OR1G1: variants seen among roughly 807,000 people sequenced by gnomAD.
OR1G1 encodes olfactory receptor 1G1.
For missense variants in OR1G1, 347 were observed against 375.5 expected, an observed-to-expected ratio of 0.92 and a Z score of 0.63; for synonymous variants, 145 against 149.6, an observed-to-expected ratio of 0.97 and a Z score of 0.22.
rs766110143 is a variant in OR1G1, at chr17:3,127,329, A to G, written c.223T>C (p.Ser75Pro). Residue 75 changes from serine (S) to proline (P), a missense_variant, in exon 1 of 1, where the codon TCC becomes CCC. Ser to Pro is a moderately conservative substitution (Grantham distance 74). Transcript: ENST00000328890. ...NLSLADACFV[S>P]TTVPKMLANI... ...GCCAGCATCTTAGGGACTGTGGTGG[A>G]CACAAAGCAGGCATCTGCAAGGGAG... is the stretch of plus-strand genomic sequence containing the variant. The G allele has an allele frequency of 1.2e-6, 2 of 1,614,080 alleles. No individual in the cohort carries two copies. Among genetic ancestry groups the G allele is most frequent in the African/African-American group, 1.3e-5 (1 of 74,912 alleles).
chr17:3,127,536 G>C lies in OR1G1; in HGVS notation c.16C>G (p.Leu6Val). MEGKN[L>V]TSISECFLLG... is the part of the protein sequence containing the mutation. ...AGGAAACATTCTGAGATGCTGGTCA[G>C]ATTTTTCCCCTCCATTTGTCTGTAG... The change falls in exon 1 of 1, where the codon CTG becomes GTG. Residue 6 changes from leucine to valine, a missense_variant. Transcript: ENST00000328890. 6.2e-7 allele frequency: 1 copy of C among 1,612,844 alleles called. No homozygotes were observed. The highest frequency in any genetic ancestry group is 8.5e-7 in the Non-Finnish European group (1 of 1,179,396).
rs757356100 is a variant in OR1G1 at position 3,126,939 on chromosome 17, G to C, written c.613C>G (p.Leu205Val). The change falls in exon 1 of 1, where the codon CTC (leucine) becomes GTC (valine). Residue 205 changes from leucine to valine, a missense_variant. Coordinates refer to ENST00000328890, the MANE Select transcript of OR1G1 (RefSeq NM_003555.1). ...CAAAGCACACAAATGAGTCCTGTGA[G>C]ACCCCCAGTGATGAAGATCACCAGC... ...NELVIFITGG[L>V]TGLICVLCLI... 3 of 1,614,050 alleles carry C rather than the reference G, an allele frequency of 1.9e-6. No homozygotes were observed. In the African/African-American group the frequency reaches 4.0e-5, roughly 22 times the overall value.
Position 3,126,942 on chromosome 17 carries a change from C to A in OR1G1, c.610G>T (p.Gly204Cys), listed in dbSNP as rs750954362. ...TNELVIFITGGLTGLICVLCL... is the reference protein window; with the variant it reads ...TNELVIFITGCLTGLICVLCL... ...AGCACACAAATGAGTCCTGTGAGAC[C>A]CCCAGTGATGAAGATCACCAGCTCA... The change falls in exon 1 of 1, where the codon GGT becomes TGT. Residue 204 changes from glycine (G) to cysteine (C), a missense_variant. Gly to Cys is a radical substitution (Grantham distance 159, BLOSUM62 -3). Coordinates refer to ENST00000328890, the MANE Select transcript of OR1G1 (RefSeq NM_003555.1). The A allele has an allele frequency of 1.9e-6, 3 of 1,613,990 alleles. No individual in the cohort carries two copies. The African/African-American group carries it at 4.0e-5, about 22-fold the overall frequency.
Position 3,127,325 on chromosome 17 carries a change from G to A in OR1G1, c.227C>T (p.Thr76Ile), listed in dbSNP as rs762737606. The change falls in exon 1 of 1, where the codon ACC (threonine) becomes ATC (isoleucine). Residue 76 changes from threonine to isoleucine, a missense_variant. Thr to Ile is a moderately conservative substitution (Grantham distance 89). Transcript: ENST00000328890. The part of the protein sequence containing the change: ...LSLADACFVS[T>I]TVPKMLANIQ... ...GTTTGCCAGCATCTTAGGGACTGTG[G>A]TGGACACAAAGCAGGCATCTGCAAG... 4 of 1,614,208 alleles carry A rather than the reference G, an allele frequency of 2.5e-6. No individual in the cohort carries two copies. The highest frequency in any genetic ancestry group is 1.6e-4 in the Middle Eastern group (1 of 6,062).
chr17:3,126,935 G>A lies in OR1G1; in HGVS notation c.617C>T (p.Thr206Ile). 6.2e-7 allele frequency: 1 copy of A among 1,614,180 alleles called. No individual in the cohort carries two copies. The highest frequency in any genetic ancestry group is 8.5e-7 in the Non-Finnish European group (1 of 1,180,036). Residue 206 changes from threonine to isoleucine, a missense_variant, in exon 1 of 1, where the codon ACA (threonine) becomes ATA (isoleucine). By Grantham distance (89) the Thr-to-Ile change is moderately conservative (BLOSUM62 -1). Coordinates refer to ENST00000328890, the MANE Select transcript of OR1G1 (RefSeq NM_003555.1). ...ELVIFITGGLTGLICVLCLII... is the reference protein window; with the variant it reads ...ELVIFITGGLIGLICVLCLII... Reference sequence around the variant, plus strand: ...CAGGCAAAGCACACAAATGAGTCCTGTGAGACCCCCAGTGATGAAGATCAC... The same window carrying A: ...CAGGCAAAGCACACAAATGAGTCCTATGAGACCCCCAGTGATGAAGATCAC...
In OR1G1 at chr17:3,127,002, G is replaced by A. The variant is rs773676461; in HGVS notation, c.550C>T (p.Leu184Phe). 1.9e-6 allele frequency: 3 copies of A among 1,614,180 alleles called. No homozygotes were observed. The highest frequency in any genetic ancestry group is 1.7e-6 in the Non-Finnish European group (2 of 1,180,034). The change falls in exon 1 of 1, where the codon CTC becomes TTC. Residue 184 changes from leucine (L) to phenylalanine (F), a missense_variant. By Grantham distance (22) the Leu-to-Phe change is conservative. Coordinates refer to ENST00000328890, the MANE Select transcript of OR1G1 (RefSeq NM_003555.1). The stretch of plus-strand genomic sequence containing the variant: ...GGGTCTGTGCAGGACAGACTCAGGA[G>A]GGGATTGATGTCACAGAAGAAGTGT... ...IPHFFCDINP[L>F]LSLSCTDPFT...
rs141468951 is a variant in OR1G1, at chr17:3,127,208, A to C, written c.344T>G (p.Leu115Trp). The C allele has an allele frequency of 3.7e-6, 6 of 1,614,150 alleles. No homozygotes were observed. In the African/African-American group the frequency reaches 8.0e-5, roughly 22 times the overall value. The part of the protein sequence containing the change: ...MLFVMLEAFL[L>W]AVMAYDCYVA... ...GTAGCAGTCATAGGCCATGACCGCC[A>C]AGAGGAATGCCTCCAGCATCACAAA... Residue 115 changes from leucine (L) to tryptophan (W), a missense_variant, in exon 1 of 1, where the codon TTG becomes TGG. Leu to Trp is a moderately conservative substitution (Grantham distance 61, BLOSUM62 -2). Transcript: ENST00000328890.
Position 3,126,824 on chromosome 17 carries a change from G to A in OR1G1, c.728C>T (p.Ser243Phe). 1 of 1,614,128 alleles carries A rather than the reference G, an allele frequency of 6.2e-7. No homozygotes were observed. ...GAAGAGAGAGACCACGGAGAGATGAGAGCTGCAGGTGGAAAAGGCTTTCCG... is the reference window on the plus strand; with the variant it reads ...GAAGAGAGAGACCACGGAGAGATGAAAGCTGCAGGTGGAAAAGGCTTTCCG... ...GKRKAFSTCS[S>F]HLSVVSLFFG... Residue 243 changes from serine (S) to phenylalanine (F), a missense_variant, in exon 1 of 1, where the codon TCT becomes TTT. Transcript: ENST00000328890.
chr17:3,127,420 G>A lies in OR1G1; in HGVS notation c.132C>T (p.Leu44=), dbSNP rs752208029. Residue 44 remains leucine, a synonymous_variant, in exon 1 of 1, where the codon CTC becomes CTT. Transcript: ENST00000328890. ...TGTCAGTAATGATGACTAGAATGAT[G>A]AGGAGGTTGCCTGCCACCGTGACCA... is the stretch of plus-strand genomic sequence containing the variant. ...MYLVTVAGNL[L]IILVIITDTQ... is the part of the protein sequence containing the mutation. The A allele has an allele frequency of 6.2e-7, 1 of 1,614,100 alleles. No individual in the cohort carries two copies.
In OR1G1 at chr17:3,126,971, GT is replaced by G; in HGVS notation, c.580del (p.Thr194ProfsTer5). Reference protein sequence around the residue: ...LLSLSCTDPFTNELVIFITGG... With the variant: ...LLSLSCTDPFXNELVIFITGG... ...AGTGATGAAGATCACCAGCTCATTG[GT>G]GAAGGGGTCTGTGCAGGACAGACTC... On this transcript the variant is annotated frameshift_variant, in exon 1 of 1. Transcript: ENST00000328890. LOFTEE classifies it low-confidence loss of function (END_TRUNC). The G allele has an allele frequency of 6.2e-7, 1 of 1,614,208 alleles. No individual in the cohort carries two copies. The highest frequency in any genetic ancestry group is 8.5e-7 in the Non-Finnish European group (1 of 1,180,026).
chr17:3,127,382 G>T lies in OR1G1; in HGVS notation c.170C>A (p.Thr57Asn), dbSNP rs61736114. 8 of 1,614,056 alleles carry T rather than the reference G, an allele frequency of 5.0e-6. No individual in the cohort carries two copies. The highest frequency in any genetic ancestry group is 1.3e-5 in the African/African-American group (1 of 74,908). Residue 57 changes from threonine (T) to asparagine (N), a missense_variant, in exon 1 of 1, where the codon ACC becomes AAC. Thr to Asn is a moderately conservative substitution (Grantham distance 65, BLOSUM62 0). Coordinates refer to ENST00000328890, the MANE Select transcript of OR1G1 (RefSeq NM_003555.1). ...LVIITDTQLHTPMYFFLANLS... is the reference protein window; with the variant it reads ...LVIITDTQLHNPMYFFLANLS... ...GTTGGCTAGAAAGAAGTACATGGGG[G>T]TATGGAGTTGAGTGTCAGTAATGAT... is the stretch of plus-strand genomic sequence containing the variant.
At position 3,127,545 on chromosome 17, in the gene OR1G1, C is replaced by G. The variant is rs1343645125; in HGVS notation, c.7G>C (p.Gly3Arg). 1 of 1,611,992 alleles carries G rather than the reference C, an allele frequency of 6.2e-7. No homozygotes were observed. Among genetic ancestry groups the G allele is most frequent in the Admixed American group, 1.7e-5 (1 of 59,644 alleles). The change falls in exon 1 of 1, where the codon GGG (glycine) becomes CGG (arginine). Residue 3 changes from glycine to arginine, a missense_variant. By Grantham distance (125) the Gly-to-Arg change is moderately radical. Transcript: ENST00000328890. ...TCTGAGATGCTGGTCAGATTTTTCC[C>G]CTCCATTTGTCTGTAGGAAGAAAGT... Reference protein sequence around the residue: MEGKNLTSISECF... With the variant: MERKNLTSISECF...
Position 3,127,327 on chromosome 17 carries a change from G to A in OR1G1, c.225C>T (p.Ser75=). ...NLSLADACFV[S]TTVPKMLANI... is the part of the protein sequence containing the mutation. ...TTGCCAGCATCTTAGGGACTGTGGT[G>A]GACACAAAGCAGGCATCTGCAAGGG... The change falls in exon 1 of 1, where the codon TCC becomes TCT. Residue 75 remains serine, a synonymous_variant. Transcript: ENST00000328890. 6.2e-7 allele frequency: 1 copy of A among 1,614,172 alleles called. No individual in the cohort carries two copies. Among genetic ancestry groups the A allele is most frequent in the African/African-American group, 1.3e-5 (1 of 75,036 alleles).
In OR1G1 at chr17:3,126,683, T is replaced by C. The variant is rs2047998388; in HGVS notation, c.869A>G (p.Tyr290Cys). Residue 290 changes from tyrosine (Y) to cysteine (C), a missense_variant, in exon 1 of 1, where the codon TAC becomes TGC. By Grantham distance (194) the Tyr-to-Cys change is radical (BLOSUM62 -2). Transcript: ENST00000328890. ...VVTPMLNPFI[Y>C]SLRNQEIKSS... is the part of the protein sequence containing the mutation. ...CTTTATTTCTTGGTTCCTCAAACTG[T>C]AGATAAAGGGATTCAACATTGGAGT... is the stretch of plus-strand genomic sequence containing the variant. 6.2e-7 allele frequency: 1 copy of C among 1,607,744 alleles called. No individual in the cohort carries two copies. The highest frequency in any genetic ancestry group is 1.7e-5 in the Admixed American group (1 of 58,280).
rs754030278 is a variant in OR1G1 at position 3,126,938 on chromosome 17, A to G, written c.614T>C (p.Leu205Pro). Residue 205 changes from leucine (L) to proline (P), a missense_variant, in exon 1 of 1, where the codon CTC becomes CCC. Coordinates refer to ENST00000328890, the MANE Select transcript of OR1G1 (RefSeq NM_003555.1). ...GCAAAGCACACAAATGAGTCCTGTG[A>G]GACCCCCAGTGATGAAGATCACCAG... is the stretch of plus-strand genomic sequence containing the variant. The part of the protein sequence containing the change: ...NELVIFITGG[L>P]TGLICVLCLI... The G allele has an allele frequency of 6.2e-7, 1 of 1,614,190 alleles. No individual in the cohort carries two copies. The highest frequency in any genetic ancestry group is 8.5e-7 in the Non-Finnish European group (1 of 1,180,026).
chr17:3,127,323 T>G lies in OR1G1; in HGVS notation c.229A>C (p.Thr77Pro), dbSNP rs764390259. ...ATGTTTGCCAGCATCTTAGGGACTG[T>G]GGTGGACACAAAGCAGGCATCTGCA... Reference protein sequence around the residue: ...SLADACFVSTTVPKMLANIQI... With the variant: ...SLADACFVSTPVPKMLANIQI... The change falls in exon 1 of 1, where the codon ACA becomes CCA. Residue 77 changes from threonine to proline, a missense_variant. Transcript: ENST00000328890. The G allele has an allele frequency of 3.7e-6, 6 of 1,614,148 alleles. No homozygotes were observed. The highest frequency in any genetic ancestry group is 4.2e-6 in the Non-Finnish European group (5 of 1,180,026).
chr17:3,126,634 C>A lies in OR1G1; in HGVS notation c.918G>T (p.Trp306Cys), dbSNP rs773837644. Reference protein sequence around the residue: ...EIKSSLRKLIWVRKIHSP With the variant: ...EIKSSLRKLICVRKIHSP The stretch of plus-strand genomic sequence containing the variant: ...ACTAAGGGGAATGAATTTTCCGAAC[C>A]CAGATTAACTTTCTCAGGGAAGACT... Residue 306 changes from tryptophan (W) to cysteine (C), a missense_variant, in exon 1 of 1, where the codon TGG becomes TGT. Trp to Cys is a radical substitution (Grantham distance 215). Coordinates refer to ENST00000328890, the MANE Select transcript of OR1G1 (RefSeq NM_003555.1). The A allele has an allele frequency of 6.3e-7, 1 of 1,586,134 alleles. No individual in the cohort carries two copies. Among genetic ancestry groups the A allele is most frequent in the Non-Finnish European group, 8.6e-7 (1 of 1,168,370 alleles).
chr17:3,127,021 G>A lies in OR1G1; in HGVS notation c.531C>T (p.Phe177=). 1.2e-6 allele frequency: 2 copies of A among 1,614,198 alleles called. No homozygotes were observed. Among genetic ancestry groups the A allele is most frequent in the Non-Finnish European group, 1.7e-6 (2 of 1,180,046 alleles). Residue 177 remains phenylalanine, a synonymous_variant, in exon 1 of 1, where the codon TTC becomes TTT. Transcript: ENST00000328890. ...TCAGGAGGGGATTGATGTCACAGAA[G>A]AAGTGTGGGATCTCATGGTTTGCGC... ...SFCANHEIPH[F]FCDINPLLSL...
rs1453970940 is a variant in OR1G1, at chr17:3,127,289, T to C, written c.263A>G (p.Gln88Arg). Residue 88 changes from glutamine to arginine, a missense_variant, in exon 1 of 1, where the codon CAG becomes CGG. By Grantham distance (43) the Gln-to-Arg change is conservative (BLOSUM62 1). Transcript: ENST00000328890. ...CCCTGAGTAGGAGATGGCCTGACTCTGGATCTGTATGTTTGCCAGCATCTT... is the reference window on the plus strand; with the variant it reads ...CCCTGAGTAGGAGATGGCCTGACTCCGGATCTGTATGTTTGCCAGCATCTT... ...VPKMLANIQIQSQAISYSGCL... is the reference protein window; with the variant it reads ...VPKMLANIQIRSQAISYSGCL... The C allele has an allele frequency of 3.7e-6, 6 of 1,614,080 alleles. No homozygotes were observed. In the Admixed American group the frequency reaches 5.0e-5, roughly 13 times the overall value.
Sources: allele counts gnomAD v4.1 joint callset, GRCh38; gene constraint gnomAD v4.1.1; transcripts MANE v1.5; gene names NCBI Gene and HGNC (gene_info 2026-07-23, HGNC 2026-07-21).